The following TSLP variants were observed in gnomAD, a reference collection of about 807,000 sequenced individuals.
TSLP encodes the protein thymic stroma-derived lymphopoietin.
In TSLP, 12 loss-of-function variants were observed where a neutral mutation model predicts 12.4. That is an observed-to-expected ratio of 0.97 (90% CI 0.62 to 1.57). The LOEUF is 1.57. Among genes scored for constraint, TSLP ranks in the 40% most tolerant of loss-of-function variants. TSLP has a pLI of 0.00. For synonymous variants in TSLP, 97 were observed against 69.5 expected (o/e 1.40, Z -1.97); for missense variants, 222 against 189.6 (o/e 1.17, Z -1.00).
intron 3 of TSLP, among the ~76,000 whole-genome samples, chr5:111,074,474 T>A (rs1256031052): frequency 6.6e-6 from 1 of 152,174 alleles, no homozygotes; most frequent in Non-Finnish European, 1.5e-5. Flanking sequence ...CAACAGGCAC[T>A]CAATATTTAT....
chr5:111,074,011 A>C (rs1296899426), intron 3 of TSLP, among the ~76,000 whole-genome samples: 1 of 152,178 alleles, frequency 6.6e-6, no homozygotes, highest in Non-Finnish European at 1.5e-5. Flanking sequence ...AAAATCTCAG[A>C]TTATGGGGCT....
At chr5:111,072,415 T>C (rs1181009975) in intron 1 of TSLP, among the ~76,000 whole-genome samples, 1 of 152,164 alleles carries the variant, frequency 6.6e-6, no homozygotes, top group Non-Finnish European at 1.5e-5. Context: ...TGAGATAAAC[T>C]CTAAGGATTG....
At chr5:111,071,358 G>T (rs1752333366), upstream of TSLP, 2 of 1,300,278 alleles carry the variant, frequency 1.5e-6, no homozygotes, top group Non-Finnish European at 2.1e-6. Flanking sequence ...CATATGCAAG[G>T]ACTCCAAATC....
upstream of TSLP, chr5:111,071,633 T>C (rs897916166): frequency 7.6e-6 from 11 of 1,452,508 alleles, no homozygotes; most frequent in African/African-American, 1.3e-4. Flanking sequence ...GAGAATGACA[T>C]GGTAGAAAAT....
At position 111,077,572 on chromosome 5, in the gene TSLP, T is replaced by C. The variant is rs1035715135; in HGVS notation, c.*1498T>C. On this transcript the variant is annotated 3_prime_UTR_variant, in exon 4 of 4. Coordinates refer to ENST00000344895, the MANE Select transcript of TSLP (RefSeq NM_033035.5). Reference sequence around the variant, plus strand: ...CTATTGTAAGAGAAATTTCTTTGTCTATTAACTCCATTTTAGTAGGGATTC... The same window carrying C: ...CTATTGTAAGAGAAATTTCTTTGTCCATTAACTCCATTTTAGTAGGGATTC... The C allele has an allele frequency of 2.6e-5, 4 of 152,616 alleles. No homozygotes were observed. Among genetic ancestry groups the C allele is most frequent in the African/African-American group, 9.6e-5 (4 of 41,464 alleles). The allele number at this position is 152,616 out of a possible 1,614,324, so 9.5% of individuals were successfully genotyped here. A position where few individuals can be genotyped will look rare whatever the true frequency, so the allele number is the denominator to read the frequency against.
At chr5:111,073,353 C>T (rs549842205) in intron 2 of TSLP, 158 bp from the exon 3 acceptor site, 149 of 1,486,104 alleles carry the variant, frequency 1.0e-4, no homozygotes, top group Non-Finnish European at 1.2e-4. Flanking sequence ...TTGGTTCTTC[C>T]TTGCTCTACT....
In TSLP at chr5:111,072,914, C is replaced by A. The variant is rs1450546046; in HGVS notation, c.198C>A (p.Thr66=). 2 of 1,614,172 alleles carry A rather than the reference C, an allele frequency of 1.2e-6. No individual in the cohort carries two copies. Among genetic ancestry groups the A allele is most frequent in the East Asian group, 2.2e-5 (1 of 44,886 alleles). Residue 66 remains threonine, a synonymous_variant, in exon 2 of 4, where the codon ACC becomes ACA. Transcript: ENST00000344895. The part of the protein sequence containing the change: ...SGTKSTEFNN[T]VSCSNRPHCL... The stretch of plus-strand genomic sequence containing the variant: ...CCAAAAGTACCGAGTTCAACAACAC[C>A]GTCTCTTGTAGCAATCGGGTGAGTA...
Position 111,071,868 on chromosome 5 carries a change from G to A in TSLP, c.-23G>A, listed in dbSNP as rs1392258626. 6.2e-7 allele frequency: 1 copy of A among 1,608,632 alleles called. No individual in the cohort carries two copies. Among genetic ancestry groups the A allele is most frequent in the African/African-American group, 1.3e-5 (1 of 74,834 alleles). ...GGTGGGAAGAGTTTAGTGTGAAACT[G>A]GGGTGGAATTGGGTGTCCACGTATG... On this transcript the variant is annotated 5_prime_UTR_variant, in exon 1 of 4. Transcript: ENST00000344895.
upstream of TSLP, chr5:111,071,654 G>C: frequency 2.8e-6 from 4 of 1,404,246 alleles, 1 homozygote; most frequent in Admixed American, 5.6e-5. Flanking sequence ...CATTGGCCTA[G>C]GAGAAAAGAG....
In TSLP at chr5:111,076,261, C is replaced by A; in HGVS notation, c.*187C>A. 1.6e-6 allele frequency: 1 copy of A among 635,370 alleles called. No homozygotes were observed. The highest frequency in any genetic ancestry group is 2.6e-6 in the Non-Finnish European group (1 of 381,426). The allele number at this position is 635,370 out of a possible 1,614,324, so 39.4% of individuals were successfully genotyped here. On this transcript the variant is annotated 3_prime_UTR_variant, in exon 4 of 4. Transcript: ENST00000344895. The stretch of plus-strand genomic sequence containing the variant: ...TTATAATGCAGGGGAAGTACTACTC[C>A]TCAAATGTTGAGGGAAGCTTCCATA...
At position 111,076,214 on chromosome 5, in the gene TSLP, T is replaced by A. The variant is rs552674759; in HGVS notation, c.*140T>A. On this transcript the variant is annotated 3_prime_UTR_variant, in exon 4 of 4. Transcript: ENST00000344895. ...ACAGAAGAGTTTCTTAACTTACTTT[T>A]GTAAGTTTTTATTGTGTAAGTTTAT... 5.8e-6 allele frequency: 6 copies of A among 1,029,650 alleles called. No individual in the cohort carries two copies. In the African/African-American group the frequency reaches 9.8e-5, roughly 17 times the overall value. The allele number at this position is 1,029,650 out of a possible 1,614,324, so 63.8% of individuals were successfully genotyped here.
At chr5:111,073,053 G>A (rs1420928886) in intron 2 of TSLP, 121 bp downstream of exon 2, 2 of 1,190,540 alleles carry the variant, frequency 1.7e-6, no homozygotes, top group Non-Finnish European at 2.4e-6. Flanking sequence ...GCCGCCGCCG[G>A]GGGAAAGGGG....
At chr5:111,071,711 G>A (rs1223064610), upstream of TSLP, 2 of 1,209,522 alleles carry the variant, frequency 1.7e-6, no homozygotes, top group Non-Finnish European at 2.3e-6. Flanking sequence ...AAGCTCTGGA[G>A]CATCAGGGAG....
rs961267571 is a variant in TSLP at position 111,077,832 on chromosome 5, C to A, written c.*1758C>A. The A allele has an allele frequency of 2.6e-5, 4 of 152,478 alleles. No homozygotes were observed. The highest frequency in any genetic ancestry group is 5.9e-5 in the Non-Finnish European group (4 of 68,016). The allele number at this position is 152,478 out of a possible 1,614,324, so 9.4% of individuals were successfully genotyped here. ...AATGTAAAATTAGTCATTTAAATTA[C>A]ACTGTCAATTAAAAGTAATGGGCAA... On this transcript the variant is annotated 3_prime_UTR_variant, in exon 4 of 4. Transcript: ENST00000344895.
chr5:111,074,171 G>T (rs572964844), intron 3 of TSLP, among the ~76,000 whole-genome samples: 4 of 152,242 alleles, frequency 2.6e-5, no homozygotes, highest in African/African-American at 9.6e-5. Flanking sequence ...GGGCGCTATT[G>T]CTGTCTCTTT....
intron 2 of TSLP, among the ~76,000 whole-genome samples, chr5:111,073,156 A>G (rs886198120): frequency 6.6e-6 from 1 of 152,228 alleles, no homozygotes; most frequent in African/African-American, 2.4e-5. Flanking sequence ...GAGGAAAGGC[A>G]AATTGGGAAC....
Position 111,071,773 on chromosome 5 carries a change from C to T in TSLP, c.-118C>T. 7.4e-7 allele frequency: 1 copy of T among 1,344,776 alleles called. No individual in the cohort carries two copies. 83.3% of individuals were successfully genotyped at this position (1,344,776 alleles called of 1,614,324 possible). ...TGAATAAGGGCTTCCTGTGGACTGGCAATGAGAGGCAAAACCTGGTGCTTG... is the reference window on the plus strand; with the variant it reads ...TGAATAAGGGCTTCCTGTGGACTGGTAATGAGAGGCAAAACCTGGTGCTTG... On this transcript the variant is annotated 5_prime_UTR_variant, in exon 1 of 4. Coordinates refer to ENST00000344895, the MANE Select transcript of TSLP (RefSeq NM_033035.5).
chr5:111,076,298 T>A lies in TSLP; in HGVS notation c.*224T>A. ...GGGAAGCTTCCATAACATTGATGACTGGCTTCATGGCAGTAATTCTCGGCT... is the reference window on the plus strand; with the variant it reads ...GGGAAGCTTCCATAACATTGATGACAGGCTTCATGGCAGTAATTCTCGGCT... On this transcript the variant is annotated 3_prime_UTR_variant, in exon 4 of 4. Coordinates refer to ENST00000344895, the MANE Select transcript of TSLP (RefSeq NM_033035.5). 1 of 505,558 alleles carries A rather than the reference T, an allele frequency of 2.0e-6. No individual in the cohort carries two copies. Among genetic ancestry groups the A allele is most frequent in the Non-Finnish European group, 3.4e-6 (1 of 289,876 alleles). The allele number at this position is 505,558 out of a possible 1,614,324, so 31.3% of individuals were successfully genotyped here. A position where few individuals can be genotyped will look rare whatever the true frequency, so the allele number is the denominator to read the frequency against.
chr5:111,072,025 T>G lies in TSLP; in HGVS notation c.135T>G (p.Ser45Arg). Reference sequence around the variant, plus strand: ...AGAAGATTAAAGCAGCCTATCTCAGTACTATTTCTAAAGACCTGATTACAT... The same window carrying G: ...AGAAGATTAAAGCAGCCTATCTCAGGACTATTTCTAAAGACCTGATTACAT... Reference protein sequence around the residue: ...DFEKIKAAYLSTISKDLITYM... With the variant: ...DFEKIKAAYLRTISKDLITYM... Residue 45 changes from serine to arginine, a missense_variant, in exon 1 of 4, where the codon AGT (serine) becomes AGG (arginine). Physicochemically the swap from Ser to Arg is moderately radical, Grantham distance 110. Coordinates refer to ENST00000344895, the MANE Select transcript of TSLP (RefSeq NM_033035.5). 6.2e-7 allele frequency: 1 copy of G among 1,614,104 alleles called. No individual in the cohort carries two copies. The highest frequency in any genetic ancestry group is 8.5e-7 in the Non-Finnish European group (1 of 1,180,040).
Sources: allele counts gnomAD v4.1 joint callset (sites outside exome capture counted in the v4.1 genomes callset), GRCh38; gene constraint gnomAD v4.1.1; transcripts MANE v1.5; gene names NCBI Gene and HGNC (gene_info 2026-07-23, HGNC 2026-07-21).